The following POPDC1 variants were observed in gnomAD, a reference collection of about 807,000 sequenced individuals.
POPDC1 encodes the protein popeye domain-containing protein 1.
At chr6:105,125,931 C>T in the POPDC1 span, among the ~76,000 whole-genome samples, 1 of 151,940 alleles carries the variant, frequency 6.6e-6, no homozygotes, top group Non-Finnish European at 1.5e-5. Context: ...GCGGTGGTCA[C>T]GCCTGTAATC....
the POPDC1 span, chr6:105,116,665 T>TA: frequency 6.6e-7 from 1 of 1,504,544 alleles, no homozygotes; most frequent in Non-Finnish European, 9.0e-7. Context: ...CTCATATACA[T>TA]ATTTATTTAA....
chr6:105,131,438 AT>A, the POPDC1 span, among the ~76,000 whole-genome samples: 1 of 151,542 alleles, frequency 6.6e-6, no homozygotes, highest in Non-Finnish European at 1.5e-5. Context: ...ACTTTTTAAA[AT>A]TTTTTTTTCT....
the POPDC1 span, among the ~76,000 whole-genome samples, chr6:105,122,983 G>A: frequency 2.0e-5 from 3 of 152,168 alleles, no homozygotes; most frequent in Non-Finnish European, 4.4e-5. Context: ...CAGGAAGGGC[G>A]GGAGCAGGGC....
chr6:105,113,749 C>T, the POPDC1 span, among the ~76,000 whole-genome samples: 1 of 151,240 alleles, frequency 6.6e-6, no homozygotes. Context: ...GCACCCGAGG[C>T]GGGTGGGATC....
chr6:105,103,220 A>G, the POPDC1 span, among the ~76,000 whole-genome samples: 2 of 152,262 alleles, frequency 1.3e-5, no homozygotes, highest in African/African-American at 4.8e-5. Context: ...TGTTATAAGG[A>G]TAAAACAACT....
the POPDC1 span, chr6:105,136,577 C>G: frequency 6.6e-6 from 1 of 152,414 alleles, no homozygotes; most frequent in African/African-American, 2.4e-5. Flanking sequence ...GCGGAGAGAG[C>G]AGAGACGGAG....
the POPDC1 span, among the ~76,000 whole-genome samples, chr6:105,132,601 G>C: frequency 1.3e-5 from 2 of 152,138 alleles, no homozygotes; most frequent in African/African-American, 2.4e-5. Context: ...TCTTTGTCTG[G>C]ACACATCACA....
chr6:105,124,699 T>C, the POPDC1 span: 2 of 1,330,994 alleles, frequency 1.5e-6, no homozygotes, highest in East Asian at 2.3e-5. Context: ...ATTTCACAAA[T>C]ACCATGATAA....
the POPDC1 span, among the ~76,000 whole-genome samples, chr6:105,126,238 A>T: frequency 1.9e-3 from 283 of 151,750 alleles, 1 homozygote; most frequent in Middle Eastern, 6.8e-3. Context: ...AAAAAAAATA[A>T]AAATAAAAAT....
At chr6:105,096,991 T>C in the POPDC1 span, 4 of 152,800 alleles carry the variant, frequency 2.6e-5, no homozygotes, top group South Asian at 8.3e-4. Flanking sequence ...AAAGCTTTCA[T>C]AAAATCCTCA....
the POPDC1 span, among the ~76,000 whole-genome samples, chr6:105,132,543 A>C: frequency 1.3e-5 from 2 of 152,096 alleles, no homozygotes; most frequent in Non-Finnish European, 2.9e-5. Flanking sequence ...TTTCTCCACC[A>C]GCCCCCACAA....
chr6:105,134,709 T>C, the POPDC1 span, among the ~76,000 whole-genome samples: 2 of 152,116 alleles, frequency 1.3e-5, no homozygotes, highest in African/African-American at 4.8e-5. Context: ...ATTCCACAGC[T>C]TAAAGATGAT....
the POPDC1 span, among the ~76,000 whole-genome samples, chr6:105,132,773 A>C: frequency 2.0e-5 from 3 of 152,210 alleles, no homozygotes; most frequent in African/African-American, 7.2e-5. Context: ...ACCAAAAAAA[A>C]TTTGTTTTAT....
chr6:105,111,852 C>T, the POPDC1 span, among the ~76,000 whole-genome samples: 1 of 152,290 alleles, frequency 6.6e-6, no homozygotes, highest in Admixed American at 6.5e-5. Flanking sequence ...TTTCACTGAA[C>T]ATTTGCTGTG....
chr6:105,101,055 C>T, the POPDC1 span: 1 of 1,582,688 alleles, frequency 6.3e-7, no homozygotes, highest in Non-Finnish European at 8.6e-7. Context: ...CTTCAAGACA[C>T]CTTCCGTCTT....
the POPDC1 span, among the ~76,000 whole-genome samples, chr6:105,108,390 C>T: frequency 9.9e-3 from 1,505 of 152,016 alleles, 28 homozygotes; most frequent in African/African-American, 0.034. Context: ...ACAGAAAAGA[C>T]AACGATAAGG....
chr6:105,111,961 A>G, the POPDC1 span, among the ~76,000 whole-genome samples: 24 of 152,318 alleles, frequency 1.6e-4, no homozygotes, highest in Admixed American at 8.5e-4. Flanking sequence ...CTACCGGCAG[A>G]TGAGAAAGAC....
chr6:105,114,009 C>T, the POPDC1 span, among the ~76,000 whole-genome samples: 1 of 152,022 alleles, frequency 6.6e-6, no homozygotes, highest in African/African-American at 2.4e-5. Flanking sequence ...AGATTAAATT[C>T]TTGTATGAAA....
chr6:105,106,719 G>A, the POPDC1 span, among the ~76,000 whole-genome samples: 1 of 152,194 alleles, frequency 6.6e-6, no homozygotes, highest in Non-Finnish European at 1.5e-5. Flanking sequence ...CCTCCATGGA[G>A]GGCGGGCTTG....
Sources: allele counts gnomAD v4.1 joint callset (sites outside exome capture counted in the v4.1 genomes callset), GRCh38; gene constraint gnomAD v4.1.1; transcripts MANE v1.5; gene names NCBI Gene and HGNC (gene_info 2026-07-23, HGNC 2026-07-21).